LUZP2: variants seen among roughly 807,000 people sequenced by gnomAD.
The protein encoded by LUZP2 is leucine zipper protein 2.
A neutral mutation model predicts 51.6 loss-of-function variants in LUZP2; 52 were observed. The ratio of observed to expected loss-of-function variants is 1.01; its 90% CI spans 0.81 to 1.27. LUZP2 has a LOEUF of 1.27. LUZP2 is among the 50% of genes most tolerant of loss of function. The pLI is 0.00. For missense variants in LUZP2, 436 were observed against 395.4 expected (o/e 1.10, Z -0.87); for synonymous variants, 154 against 137.3 (o/e 1.12, Z -0.85).
chr11:24,783,868 C>T (rs1381799349), intron 5 of LUZP2, among the ~76,000 whole-genome samples: 2 of 151,960 alleles, frequency 1.3e-5, no homozygotes, highest in South Asian at 2.1e-4. Context: ...CAAACAAATA[C>T]CTACCTCAAG....
At chr11:24,727,062 G>T (rs1457277840) in intron 1 of LUZP2, among the ~76,000 whole-genome samples, 2 of 151,850 alleles carry the variant, frequency 1.3e-5, no homozygotes, top group Non-Finnish European at 2.9e-5. Context: ...ATTTAAATTG[G>T]TTCTGTTTTC....
intron 1 of LUZP2, among the ~76,000 whole-genome samples, chr11:24,610,815 C>G (rs939298638): frequency 1.3e-5 from 2 of 152,150 alleles, no homozygotes; most frequent in South Asian, 2.1e-4. Flanking sequence ...CGTGGGGGCA[C>G]GTGCCTGTAG....
At chr11:24,499,351 C>A (rs1391540916) in intron 1 of LUZP2, among the ~76,000 whole-genome samples, 2 of 152,110 alleles carry the variant, frequency 1.3e-5, no homozygotes, top group African/African-American at 4.8e-5. Flanking sequence ...TGTCATTTTG[C>A]AAAGAAGAGA....
At chr11:24,676,673 T>C (rs1472335180) in intron 1 of LUZP2, among the ~76,000 whole-genome samples, 1 of 136,518 alleles carries the variant, frequency 7.3e-6, no homozygotes, top group Non-Finnish European at 1.6e-5. Context: ...TTTTTTTTTG[T>C]TTGTTTTTGA....
At chr11:24,841,842 C>T (rs930872470) in intron 5 of LUZP2, among the ~76,000 whole-genome samples, 10 of 152,016 alleles carry the variant, frequency 6.6e-5, no homozygotes, top group Admixed American at 3.3e-4. Flanking sequence ...AGCAAAGGGA[C>T]AGATGAGACA....
At chr11:24,616,587 C>T (rs1854297474) in intron 1 of LUZP2, among the ~76,000 whole-genome samples, 1 of 151,880 alleles carries the variant, frequency 6.6e-6, no homozygotes, top group Admixed American at 6.6e-5. Context: ...AATTAATTTT[C>T]ACCTTTGTCA....
At chr11:24,579,389 G>A (rs1471882963) in intron 1 of LUZP2, among the ~76,000 whole-genome samples, 3 of 151,988 alleles carry the variant, frequency 2.0e-5, no homozygotes, top group Admixed American at 2.0e-4. Context: ...GTTGACTTCA[G>A]GTTTTGGATA....
At chr11:24,761,958 G>A (rs946611086) in intron 4 of LUZP2, among the ~76,000 whole-genome samples, 1 of 151,542 alleles carries the variant, frequency 6.6e-6, no homozygotes, top group Non-Finnish European at 1.5e-5. Context: ...GGTGAAGAAA[G>A]GAATAGAAGT....
intron 5 of LUZP2, among the ~76,000 whole-genome samples, chr11:24,852,185 T>C (rs946499152): frequency 6.6e-6 from 1 of 152,186 alleles, no homozygotes; most frequent in East Asian, 1.9e-4. Flanking sequence ...CTAGTTCTTT[T>C]CATTGTGATG....
At chr11:24,604,192 C>CT (rs1209375221) in intron 1 of LUZP2, among the ~76,000 whole-genome samples, 1 of 151,730 alleles carries the variant, frequency 6.6e-6, no homozygotes, top group East Asian at 1.9e-4. Context: ...GTGTAGTCTG[C>CT]TTTTTTACTA....
At chr11:24,753,065 C>G (rs924606665) in intron 4 of LUZP2, among the ~76,000 whole-genome samples, 2 of 152,012 alleles carry the variant, frequency 1.3e-5, no homozygotes, top group Non-Finnish European at 2.9e-5. Context: ...ACACTATATA[C>G]TCGCAAACAA....
At chr11:24,756,772 T>C (rs1302981037) in intron 4 of LUZP2, among the ~76,000 whole-genome samples, 1 of 152,164 alleles carries the variant, frequency 6.6e-6, no homozygotes, top group Non-Finnish European at 1.5e-5. Flanking sequence ...ATTCTGACAC[T>C]ACTTAGCTGG....
chr11:24,983,766 A>T (rs942482982), intron 9 of LUZP2, among the ~76,000 whole-genome samples: 24 of 149,342 alleles, frequency 1.6e-4, no homozygotes, highest in Admixed American at 1.5e-3. Context: ...TATTTACATT[A>T]AAAAAAAGCC....
intron 6 of LUZP2, among the ~76,000 whole-genome samples, chr11:24,910,392 T>C (rs1197500821): frequency 6.6e-6 from 1 of 152,126 alleles, no homozygotes; most frequent in Non-Finnish European, 1.5e-5. Context: ...TGGCAGCCCT[T>C]CCCATCATAT....
chr11:24,897,678 A>G (rs1374307854), intron 5 of LUZP2, among the ~76,000 whole-genome samples: 1 of 152,198 alleles, frequency 6.6e-6, no homozygotes, highest in Non-Finnish European at 1.5e-5. Flanking sequence ...ACTCACTGTG[A>G]GCGACTGTGG....
At chr11:24,664,345 G>A (rs1856138858) in intron 1 of LUZP2, among the ~76,000 whole-genome samples, 1 of 152,128 alleles carries the variant, frequency 6.6e-6, no homozygotes, top group Admixed American at 6.5e-5. Context: ...AAGCAGCAAA[G>A]CATTCAAGAG....
intron 1 of LUZP2, among the ~76,000 whole-genome samples, chr11:24,523,339 G>GC (rs1850702178): frequency 6.7e-6 from 1 of 149,246 alleles, no homozygotes; most frequent in African/African-American, 2.5e-5. Flanking sequence ...TGTAGAAAAT[G>GC]TAAAAAAATG....
chr11:25,072,489 C>T (rs553156306), intron 10 of LUZP2, among the ~76,000 whole-genome samples: 9 of 152,120 alleles, frequency 5.9e-5, no homozygotes, highest in Non-Finnish European at 1.3e-4. Flanking sequence ...ATTAGATTGT[C>T]TATATTTCAT....
At chr11:24,877,461 T>A (rs1852309173) in intron 5 of LUZP2, among the ~76,000 whole-genome samples, 1 of 152,124 alleles carries the variant, frequency 6.6e-6, no homozygotes, top group African/African-American at 2.4e-5. Context: ...TTTAAATTTT[T>A]ATGGGTACAT....
Sources: allele counts gnomAD v4.1 joint callset (sites outside exome capture counted in the v4.1 genomes callset), GRCh38; gene constraint gnomAD v4.1.1; transcripts MANE v1.5; gene names NCBI Gene and HGNC (gene_info 2026-07-23, HGNC 2026-07-21).